Variants in LRRTM4 observed in about 807,000 individuals in gnomAD.
LRRTM4 encodes the protein leucine-rich repeat transmembrane neuronal protein 4.
In LRRTM4, 25 loss-of-function variants were observed where a neutral mutation model predicts 47.6. That is an observed-to-expected ratio of 0.53 (90% CI 0.38 to 0.73). LRRTM4 has a LOEUF of 0.73. Ranked by LOEUF, LRRTM4 falls within the 30% of genes least tolerant of loss-of-function variation. The pLI, the probability that LRRTM4 is intolerant of heterozygous loss-of-function variation, is 0.00. For missense variants in LRRTM4, 638 were observed against 713.4 expected (o/e 0.89, Z 1.20); for synonymous variants, 311 against 269.5 (o/e 1.15, Z -1.51).
chr2:77,161,561 C>T (rs1025100929), intron 3 of LRRTM4, among the ~76,000 whole-genome samples: 8 of 152,066 alleles, frequency 5.3e-5, no homozygotes, highest in African/African-American at 1.9e-4. Flanking sequence ...AGCTTTTCTT[C>T]CTTAATAATA....
chr2:76,763,590 G>C (rs9917136), intron 3 of LRRTM4, among the ~76,000 whole-genome samples: 5,877 of 152,274 alleles, frequency 0.039, 168 homozygotes, highest in South Asian at 0.11. Context: ...ATGCAGATGA[G>C]TTAGGACGAT....
intron 3 of LRRTM4, among the ~76,000 whole-genome samples, chr2:76,947,121 A>G (rs1675346813): frequency 6.6e-6 from 1 of 151,974 alleles, no homozygotes; most frequent in South Asian, 2.1e-4. Context: ...AGCTCTTAAA[A>G]TGTTAAGTGC....
chr2:77,139,981 C>CA (rs1208494845), intron 3 of LRRTM4, among the ~76,000 whole-genome samples: 4 of 151,986 alleles, frequency 2.6e-5, no homozygotes, highest in East Asian at 3.9e-4. Context: ...AAGAGGACCC[C>CA]AAAAAATCGA....
chr2:77,406,834 T>C (rs1365121792), intron 3 of LRRTM4, among the ~76,000 whole-genome samples: 1 of 152,014 alleles, frequency 6.6e-6, no homozygotes, highest in East Asian at 1.9e-4. Context: ...AACAAGAAAA[T>C]ACTGGAATAC....
rs547999539 is a variant in LRRTM4, at chr2:77,005,155, GTTTC to G, written c.1552-256243_1552-256240del. Among the ~76,000 whole-genome samples, 167 of 151,988 alleles carry G rather than the reference GTTTC, an allele frequency of 1.1e-3. 1 individual carries two copies. The highest frequency in any genetic ancestry group is 0.01 in the Middle Eastern group (3 of 294). On this transcript the variant is annotated intron_variant, in intron 3 of 3. Transcript: ENST00000409884. ...GGCATGATTGTTTTTGTTTTGTTTT[GTTTC>G]TTTGAGACAGAGTCTCACTCTGTCA...
chr2:77,000,605 G>A (rs553936767), intron 3 of LRRTM4, among the ~76,000 whole-genome samples: 10 of 152,134 alleles, frequency 6.6e-5, no homozygotes, highest in African/African-American at 2.2e-4. Flanking sequence ...AAGATGAAGT[G>A]GAAGGTATCT....
intron 3 of LRRTM4, among the ~76,000 whole-genome samples, chr2:77,145,662 T>C (rs1453130948): frequency 6.6e-6 from 1 of 151,400 alleles, no homozygotes; most frequent in Non-Finnish European, 1.5e-5. Flanking sequence ...TAGTCCCAGC[T>C]ACTCGGGAGG....
intron 3 of LRRTM4, among the ~76,000 whole-genome samples, chr2:76,890,903 C>T (rs895332228): frequency 4.0e-5 from 6 of 151,804 alleles, no homozygotes; most frequent in African/African-American, 1.5e-4. Context: ...AGAGGCGTAA[C>T]AGTTGCAGAA....
intron 3 of LRRTM4, among the ~76,000 whole-genome samples, chr2:77,265,409 A>T (rs954532034): frequency 3.9e-5 from 6 of 151,990 alleles, no homozygotes; most frequent in African/African-American, 7.2e-5. Flanking sequence ...AGTCTTACAA[A>T]AGAATGAGCG....
intron 3 of LRRTM4, among the ~76,000 whole-genome samples, chr2:76,916,033 T>C (rs1194880234): frequency 6.6e-6 from 1 of 151,896 alleles, no homozygotes; most frequent in Non-Finnish European, 1.5e-5. Flanking sequence ...ATTTTCTCAA[T>C]AATCAGAGAT....
chr2:76,899,767 G>A (rs192948913), intron 3 of LRRTM4, among the ~76,000 whole-genome samples: 49 of 152,214 alleles, frequency 3.2e-4, no homozygotes, highest in Non-Finnish European at 2.6e-4. Flanking sequence ...GCAAAAACAG[G>A]TGAAATATTG....
intron 3 of LRRTM4, among the ~76,000 whole-genome samples, chr2:76,837,266 TTC>T (rs984446455): frequency 1.3e-5 from 2 of 149,000 alleles, no homozygotes; most frequent in African/African-American, 4.9e-5. Flanking sequence ...TATTTGATTC[TTC>T]TCTCTTTTTT....
At chr2:77,276,737 T>C (rs1225210629) in intron 3 of LRRTM4, among the ~76,000 whole-genome samples, 1 of 136,784 alleles carries the variant, frequency 7.3e-6, no homozygotes, top group African/African-American at 2.6e-5. Flanking sequence ...ATATATGTTT[T>C]CTTTTTATGG....
chr2:77,000,974 G>A (rs1051639766), intron 3 of LRRTM4, among the ~76,000 whole-genome samples: 19 of 152,086 alleles, frequency 1.2e-4, no homozygotes, highest in African/African-American at 4.6e-4. Context: ...CCTCAGGGGA[G>A]AACGATTTGA....
At chr2:77,235,307 G>A (rs779322554) in intron 3 of LRRTM4, among the ~76,000 whole-genome samples, 19 of 152,174 alleles carry the variant, frequency 1.2e-4, no homozygotes, top group Non-Finnish European at 2.6e-4. Flanking sequence ...ATTTTTTCAT[G>A]TTTGTTGGCT....
At chr2:76,834,937 T>A (rs1260941932) in intron 3 of LRRTM4, among the ~76,000 whole-genome samples, 2 of 152,116 alleles carry the variant, frequency 1.3e-5, no homozygotes, top group Admixed American at 1.3e-4. Flanking sequence ...TCTACAAAAG[T>A]TAATAAGAAG....
intron 3 of LRRTM4, among the ~76,000 whole-genome samples, chr2:77,164,323 C>T (rs1672818242): frequency 6.6e-6 from 1 of 152,046 alleles, no homozygotes; most frequent in East Asian, 1.9e-4. Flanking sequence ...AGTCCTTAGA[C>T]ACCTACAAAG....
At chr2:77,094,477 A>G (rs1227606971) in intron 3 of LRRTM4, among the ~76,000 whole-genome samples, 1 of 152,172 alleles carries the variant, frequency 6.6e-6, no homozygotes, top group Admixed American at 6.5e-5. Flanking sequence ...CCAAAGCAAT[A>G]TTGAGCAAAA....
At chr2:77,041,442 G>T (rs1413037755) in intron 3 of LRRTM4, among the ~76,000 whole-genome samples, 1 of 151,428 alleles carries the variant, frequency 6.6e-6, no homozygotes, top group Admixed American at 6.6e-5. Context: ...CTACTAGTGA[G>T]ACAGCCAGAT....
Sources: gnomAD v4.1 joint callset for allele counts (sites outside exome capture counted in the v4.1 genomes callset) on GRCh38, gnomAD v4.1.1 for gene constraint, MANE v1.5 for transcripts, NCBI Gene and HGNC (gene_info 2026-07-23, HGNC 2026-07-21) for gene names.